Variants in HIP1 observed in about 807,000 individuals in gnomAD.
HIP1 encodes huntingtin-interacting protein 1.
HIP1 carries 65 observed loss-of-function variants against 147.6 expected under a neutral mutation model. The observed-to-expected ratio is 0.44, with a 90% CI of 0.36 to 0.54. HIP1 has a LOEUF of 0.54. Among genes scored for constraint, HIP1 ranks in the 20% least tolerant of loss-of-function variants. The pLI is 0.00. For synonymous variants in HIP1, 479 were observed against 504.0 expected (o/e 0.95, Z 0.67); for missense variants, 1,061 against 1,299.6 (o/e 0.82, Z 2.82).
At chr7:75,700,952 G>A (rs557699322) in intron 1 of HIP1, among the ~76,000 whole-genome samples, 206 of 152,184 alleles carry the variant, frequency 1.4e-3, no homozygotes, top group African/African-American at 4.8e-3. Flanking sequence ...TGATCCGCCC[G>A]TCTCGGCCTC....
At chr7:75,684,634 ACCAACGTATTTGG>A (rs1276792811) in intron 1 of HIP1, among the ~76,000 whole-genome samples, 12 of 152,080 alleles carry the variant, frequency 7.9e-5, no homozygotes, top group African/African-American at 2.9e-4. Context: ...ATCCCACTGT[ACCAACGTATTTGG>A]CTACCCTCAC....
chr7:75,579,993 G>A (rs1485493236), intron 7 of HIP1, among the ~76,000 whole-genome samples: 3 of 152,196 alleles, frequency 2.0e-5, no homozygotes, highest in African/African-American at 7.2e-5. Context: ...GAGGAGACGC[G>A]CTGGAGAGAA....
At chr7:75,555,327 C>T in intron 19 of HIP1, 89 bp downstream of exon 19, 3 of 1,512,880 alleles carry the variant, frequency 2.0e-6, no homozygotes, top group Non-Finnish European at 2.7e-6. Flanking sequence ...CTGAGAGCCC[C>T]TGAGCTAAGT....
chr7:75,673,692 T>G (rs1003021493), intron 1 of HIP1, among the ~76,000 whole-genome samples: 1 of 151,868 alleles, frequency 6.6e-6, no homozygotes, highest in African/African-American at 2.4e-5. Context: ...AATTTTTAAA[T>G]ATTAATATTG....
intron 1 of HIP1, among the ~76,000 whole-genome samples, chr7:75,667,413 G>A (rs1430846551): frequency 6.6e-6 from 1 of 152,142 alleles, no homozygotes; most frequent in Non-Finnish European, 1.5e-5. Context: ...CAAGGCTGTT[G>A]TTGTAGAGAC....
intron 23 of HIP1, 74 bp from the exon 24 acceptor site, chr7:75,547,887 G>C: frequency 7.6e-7 from 1 of 1,317,168 alleles, no homozygotes; most frequent in Non-Finnish European, 1.1e-6. Context: ...TATACTTTCA[G>C]TCCAACATCG....
At chr7:75,683,651 C>T (rs1800166717) in intron 1 of HIP1, among the ~76,000 whole-genome samples, 1 of 152,190 alleles carries the variant, frequency 6.6e-6, no homozygotes, top group African/African-American at 2.4e-5. Context: ...GCACCACGTC[C>T]TCCACCTGAT....
At position 75,680,925 on chromosome 7, in the gene HIP1, A is replaced by G. The variant is rs1376052124; in HGVS notation, c.120+57876T>C. Among the ~76,000 whole-genome samples the G allele has an allele frequency of 3.3e-5, 5 of 152,168 alleles. No homozygotes were observed. The East Asian group carries it at 7.7e-4, about 24-fold the overall frequency. ...CGAGTAGCTGGGACTACAGGCGCCC[A>G]CCACCACACCTGGCTAATTTTTTTG... On this transcript the variant is annotated intron_variant, in intron 1 of 30. Transcript: ENST00000336926.
chr7:75,558,061 G>C, intron 15 of HIP1, 106 bp downstream of exon 15: 1 of 870,922 alleles, frequency 1.1e-6, no homozygotes, highest in Non-Finnish European at 1.9e-6. Flanking sequence ...CAATGCCTTA[G>C]AGATCAATGT....
chr7:75,634,876 G>T (rs137995886), intron 1 of HIP1, among the ~76,000 whole-genome samples: 38 of 148,436 alleles, frequency 2.6e-4, no homozygotes, highest in African/African-American at 9.5e-4. Context: ...GGAGTTCGAG[G>T]CTAGAGTCAG....
chr7:75,640,561 G>A (rs1158159834), intron 1 of HIP1, among the ~76,000 whole-genome samples: 1 of 152,080 alleles, frequency 6.6e-6, no homozygotes, highest in Non-Finnish European at 1.5e-5. Context: ...AGACCAGCCT[G>A]GCCAAAATGA....
intron 1 of HIP1, among the ~76,000 whole-genome samples, chr7:75,609,802 G>T (rs782043490): frequency 6.6e-6 from 1 of 151,320 alleles, no homozygotes; most frequent in Non-Finnish European, 1.5e-5. Context: ...ATGATCTTCC[G>T]CCTCGGCCTC....
intron 5 of HIP1, among the ~76,000 whole-genome samples, chr7:75,583,887 C>T (rs1468320492): frequency 1.3e-5 from 2 of 151,394 alleles, no homozygotes; most frequent in Admixed American, 6.6e-5. Context: ...CTTGGCCTCC[C>T]GAAGTGCTGG....
chr7:75,687,319 A>G (rs1554517673), intron 1 of HIP1, among the ~76,000 whole-genome samples: 2 of 152,258 alleles, frequency 1.3e-5, no homozygotes, highest in African/African-American at 2.4e-5. Context: ...ACTTTTTACA[A>G]TAACTTCCCA....
intron 1 of HIP1, among the ~76,000 whole-genome samples, chr7:75,653,393 C>T (rs749967293): frequency 1.3e-5 from 2 of 152,140 alleles, no homozygotes; most frequent in Non-Finnish European, 2.9e-5. Context: ...TGGCTTATAC[C>T]TGTAATCCCA....
At chr7:75,592,571 G>A in intron 2 of HIP1, 57 bp from the exon 3 acceptor site, 4 of 1,544,560 alleles carry the variant, frequency 2.6e-6, no homozygotes. Context: ...GCAGGGGACT[G>A]AGCCTGCACC....
chr7:75,658,206 G>T (rs1192756102), intron 1 of HIP1, among the ~76,000 whole-genome samples: 1 of 152,084 alleles, frequency 6.6e-6, no homozygotes, highest in South Asian at 2.1e-4. Flanking sequence ...CGATTCTCCT[G>T]CCTCCCCAGT....
chr7:75,643,031 G>T (rs1191770764), intron 1 of HIP1, among the ~76,000 whole-genome samples: 2 of 152,162 alleles, frequency 1.3e-5, no homozygotes, highest in African/African-American at 4.8e-5. Context: ...GACGTAATTC[G>T]TACAGAAGGT....
intron 1 of HIP1, among the ~76,000 whole-genome samples, chr7:75,716,606 G>A (rs372469223): frequency 2.0e-5 from 3 of 149,192 alleles, no homozygotes; most frequent in East Asian, 2.0e-4. Context: ...TGCAAGCTCC[G>A]CCTCCCGGGT....
Sources: gnomAD v4.1 joint callset for allele counts (sites outside exome capture counted in the v4.1 genomes callset) on GRCh38, gnomAD v4.1.1 for gene constraint, MANE v1.5 for transcripts, NCBI Gene and HGNC (gene_info 2026-07-23, HGNC 2026-07-21) for gene names.